TMBIM1: variants seen among roughly 807,000 people sequenced by gnomAD.
The protein encoded by TMBIM1 is protein lifeguard 3.
A neutral mutation model predicts 45.1 loss-of-function variants in TMBIM1; 34 were observed. That is an observed-to-expected ratio of 0.75 (90% CI 0.57 to 1.00). The LOEUF is 1.00. Among genes scored for constraint, TMBIM1 ranks in the 50% least tolerant of loss-of-function variants. The pLI is 0.00. For missense variants in TMBIM1, 374 were observed against 402.4 expected (o/e 0.93, Z 0.60); for synonymous variants, 157 against 153.5 (o/e 1.02, Z -0.17).
rs982138511 is a variant in TMBIM1 at position 218,274,199 on chromosome 2, T to C, written c.*1276A>G. ...CATACTCCTGGAGCCATACAGGGTTTTAACTTCTAGACATAAACTTTATTA... is the reference window on the plus strand; with the variant it reads ...CATACTCCTGGAGCCATACAGGGTTCTAACTTCTAGACATAAACTTTATTA... On this transcript the variant is annotated 3_prime_UTR_variant, in exon 12 of 12. Coordinates refer to ENST00000258412, the MANE Select transcript of TMBIM1 (RefSeq NM_022152.6). 8 of 154,992 alleles carry C rather than the reference T, an allele frequency of 5.2e-5. No homozygotes were observed. The highest frequency in any genetic ancestry group is 6.5e-5 in the Admixed American group (1 of 15,298). The allele number at this position is 154,992 out of a possible 1,614,324, so 9.6% of individuals were successfully genotyped here. A position where few individuals can be genotyped will look rare whatever the true frequency, so the allele number is the denominator to read the frequency against.
chr2:218,275,504 CA>C lies in TMBIM1; in HGVS notation c.906del (p.Phe302LeufsTer5), dbSNP rs1242052714. The stretch of plus-strand genomic sequence containing the variant: ...TTGCGATCCCCCATCAGCTGCAGCA[CA>C]AAGGTGAAGATGTAGATGATGTCTG... ...IYTDIIYIFT[F>X]VLQLMGDRN On this transcript the variant is annotated frameshift_variant, in exon 12 of 12. Coordinates refer to ENST00000258412, the MANE Select transcript of TMBIM1 (RefSeq NM_022152.6). LOFTEE classifies it high-confidence loss of function. 1.9e-6 allele frequency: 3 copies of C among 1,613,970 alleles called. No homozygotes were observed. The Admixed American group carries it at 5.0e-5, about 27-fold the overall frequency.
At position 218,275,449 on chromosome 2, in the gene TMBIM1, A is replaced by AT; in HGVS notation, c.*25dup. On this transcript the variant is annotated 3_prime_UTR_variant, in exon 12 of 12. Transcript: ENST00000258412. The stretch of plus-strand genomic sequence containing the variant: ...TCTAGCTTGGAAGGGAGAGCCCAGG[A>AT]TCGGGTGAAAATGGGGGCTTGCTCC... 1 of 1,604,208 alleles carries AT rather than the reference A, an allele frequency of 6.2e-7. No homozygotes were observed. Among genetic ancestry groups the AT allele is most frequent in the Non-Finnish European group, 8.5e-7 (1 of 1,174,576 alleles).
chr2:218,278,172 T>C, intron 6 of TMBIM1, 198 bp from the exon 7 acceptor site: 1 of 632,036 alleles, frequency 1.6e-6, no homozygotes. Flanking sequence ...AGACCTGTGT[T>C]GTGGCGCCAG....
intron 1 of TMBIM1, among the ~76,000 whole-genome samples, chr2:218,284,572 C>G (rs1391811740): frequency 6.6e-6 from 1 of 152,246 alleles, no homozygotes; most frequent in Non-Finnish European, 1.5e-5. Flanking sequence ...TCTTGCCCCT[C>G]CCTTTCAGGC....
intron 11 of TMBIM1, 141 bp downstream of exon 11, chr2:218,275,885 G>C: frequency 1.9e-6 from 2 of 1,076,558 alleles, no homozygotes; most frequent in Non-Finnish European, 2.7e-6. Flanking sequence ...AAAATCAATG[G>C]AATCTCTGGA....
Position 218,279,662 on chromosome 2 carries a change from G to A in TMBIM1, c.304-309C>T, listed in dbSNP as rs111677253. ...CAGCAGCTCAGTCTGCACGCTCTAT[G>A]CAGCTGTGAGATGGAGAGGGTGGGT... On this transcript the variant is annotated intron_variant, in intron 3 of 11. Transcript: ENST00000258412. 894 of 489,758 alleles carry A rather than the reference G, an allele frequency of 1.8e-3. 10 individuals are homozygous for A. The highest frequency in any genetic ancestry group is 0.015 in the African/African-American group (792 of 51,694). The allele number at this position is 489,758 out of a possible 1,614,324, so 30.3% of individuals were successfully genotyped here.
At chr2:218,281,135 T>TTTG (rs1559504765) in intron 2 of TMBIM1, 2 of 130,722 alleles carry the variant, frequency 1.5e-5, no homozygotes, top group African/African-American at 5.1e-5. Context: ...TTTTGTTTTT[T>TTTG]TTTTGGTTTT....
rs1409343119 is a variant in TMBIM1 at position 218,281,933 on chromosome 2, G to A, written c.202+7C>T. Reference sequence around the variant, plus strand: ...ACCCACCTTCCATCTGCCCTTCCAGGACTCACCGTAGTTCATGGGCATCGG... The same window carrying A: ...ACCCACCTTCCATCTGCCCTTCCAGAACTCACCGTAGTTCATGGGCATCGG... On this transcript the variant is annotated splice_region_variant and intron_variant, in intron 2 of 11. Coordinates refer to ENST00000258412, the MANE Select transcript of TMBIM1 (RefSeq NM_022152.6). 2 of 1,586,282 alleles carry A rather than the reference G, an allele frequency of 1.3e-6. No homozygotes were observed. The highest frequency in any genetic ancestry group is 1.7e-6 in the Non-Finnish European group (2 of 1,166,696).
chr2:218,278,055 G>A (rs1691428675), intron 6 of TMBIM1, 81 bp from the exon 7 acceptor site: 6 of 1,501,366 alleles, frequency 4.0e-6, no homozygotes, highest in Non-Finnish European at 5.5e-6. Context: ...GGAAGCGCTT[G>A]GCTCCTGTGC....
intron 7 of TMBIM1, 116 bp downstream of exon 7, chr2:218,277,819 C>G (rs112766419): frequency 5.2e-6 from 8 of 1,550,590 alleles, no homozygotes; most frequent in African/African-American, 4.1e-5. Context: ...ACAGGCGGCC[C>G]AGATAAGGTG....
intron 2 of TMBIM1, 45 bp downstream of exon 2, chr2:218,281,895 T>G: frequency 6.7e-7 from 1 of 1,499,288 alleles, no homozygotes; most frequent in Non-Finnish European, 9.1e-7. Context: ...CTGCTCCAAG[T>G]GCTGTCCCTC....
intron 11 of TMBIM1, 115 bp downstream of exon 11, chr2:218,275,911 T>C: frequency 8.1e-7 from 1 of 1,234,302 alleles, no homozygotes; most frequent in South Asian, 1.4e-5. Context: ...GTGAGAGGAA[T>C]GGCCTGCTAT....
chr2:218,285,914 G>A (rs1195777058), intron 1 of TMBIM1: 1 of 154,348 alleles, frequency 6.5e-6, no homozygotes, highest in Non-Finnish European at 1.5e-5. Flanking sequence ...CTCCACTAGG[G>A]ATGAGGTTTG....
intron 3 of TMBIM1, 111 bp from the exon 4 acceptor site, chr2:218,279,464 C>G: frequency 9.8e-7 from 1 of 1,024,504 alleles, no homozygotes; most frequent in African/African-American, 1.6e-5. Flanking sequence ...CTAGCTGCAG[C>G]CTGGCCCAGA....
intron 1 of TMBIM1, chr2:218,290,018 C>G (rs1043263706): frequency 1.3e-5 from 2 of 152,176 alleles, no homozygotes; most frequent in African/African-American, 2.4e-5. Context: ...CCCCTGGCCT[C>G]CTTTTATCCC....
intron 10 of TMBIM1, 64 bp from the exon 11 acceptor site, chr2:218,276,143 C>A: frequency 6.4e-7 from 1 of 1,561,040 alleles, no homozygotes. Context: ...CCACAGGCCC[C>A]AGCTTCCCCC....
intron 1 of TMBIM1, among the ~76,000 whole-genome samples, chr2:218,292,196 G>A (rs973008539): frequency 3.3e-5 from 5 of 152,198 alleles, no homozygotes; most frequent in Non-Finnish European, 7.4e-5. Flanking sequence ...CCCTGGCTCC[G>A]CTCACCAGTG....
rs778083787 is a variant in TMBIM1, at chr2:218,277,687, G to A, written c.514-17C>T. The A allele has an allele frequency of 7.4e-6, 12 of 1,613,996 alleles. No individual in the cohort carries two copies. Among genetic ancestry groups the A allele is most frequent in the Non-Finnish European group, 1.0e-5 (12 of 1,179,990 alleles). On this transcript the variant is annotated splice_polypyrimidine_tract_variant and intron_variant, in intron 7 of 11. Coordinates refer to ENST00000258412, the MANE Select transcript of TMBIM1 (RefSeq NM_022152.6). ...GGCAAAAGTCTAAGGGAAGGAGAGAGACAAGAATGAAACACTTAAAAAGGA... is the reference window on the plus strand; with the variant it reads ...GGCAAAAGTCTAAGGGAAGGAGAGAAACAAGAATGAAACACTTAAAAAGGA...
intron 1 of TMBIM1, chr2:218,287,222 A>C (rs899446668): frequency 6.6e-6 from 1 of 152,264 alleles, no homozygotes; most frequent in African/African-American, 2.4e-5. Context: ...CATTTGACAG[A>C]CAAGGAAACC....
Sources: allele counts gnomAD v4.1 joint callset (sites outside exome capture counted in the v4.1 genomes callset), GRCh38; gene constraint gnomAD v4.1.1; transcripts MANE v1.5; gene names NCBI Gene and HGNC (gene_info 2026-07-23, HGNC 2026-07-21).